Variants in NMBR observed in about 807,000 individuals in gnomAD.
NMBR encodes neuromedin B receptor, also known as neuromedin-B receptor.
In NMBR, 16 loss-of-function variants were observed where a neutral mutation model predicts 20.5. That is an observed-to-expected ratio of 0.78 (90% confidence interval 0.53 to 1.19). The LOEUF (loss-of-function observed/expected upper bound fraction) is 1.19, where lower values mean the gene tolerates loss of function less well. Among genes scored for constraint, NMBR ranks in the 50% most tolerant of loss-of-function variants. The pLI, the probability that NMBR is intolerant of heterozygous loss-of-function variation, is 0.00. For missense variants in NMBR, 582 were observed against 499.1 expected, an observed-to-expected ratio of 1.17 and a Z score of -1.58; for synonymous variants, 212 against 196.6, an observed-to-expected ratio of 1.08 and a Z score of -0.65.
chr6:142,141,352 A>G (rs1309545711), intron 1 of NMBR, among the ~76,000 whole-genome samples: 1 of 152,218 alleles, frequency 6.6e-6, no homozygotes, highest in East Asian at 1.9e-4. Flanking sequence ...GGAAATTAAA[A>G]ACTACTTTAA....
intron 1 of NMBR, among the ~76,000 whole-genome samples, chr6:142,105,434 A>G (rs530589892): frequency 1.2e-3 from 181 of 152,298 alleles, no homozygotes; most frequent in African/African-American, 4.3e-3. Context: ...TTTTAATAAA[A>G]CCTGTAAATA....
chr6:142,076,969 G>A (rs1185349852), intron 3 of NMBR, among the ~76,000 whole-genome samples: 1 of 152,172 alleles, frequency 6.6e-6, no homozygotes, highest in Non-Finnish European at 1.5e-5. Flanking sequence ...GCAATAGAGT[G>A]GTAATGGAGG....
chr6:142,102,409 G>T lies in NMBR; in HGVS notation c.-663-13088C>A, dbSNP rs1309819383. 3.0e-5 allele frequency among the ~76,000 whole-genome samples: 4 copies of T among 134,954 alleles called. No homozygotes were observed. The East Asian group carries it at 8.5e-4, about 29-fold the overall frequency. 88.5% of individuals were successfully genotyped at this position (134,954 alleles called of 152,430 possible). ...TGTCTCAAAAAAAAAAAAAAAAAAA[G>T]TCTACTTGCTTTAACAAAGCAGCCT... On this transcript the variant is annotated intron_variant, in intron 1 of 3. Coordinates refer to ENST00000258042, the MANE Select transcript of NMBR (RefSeq NM_002511.4).
intron 1 of NMBR, among the ~76,000 whole-genome samples, chr6:142,143,612 G>C (rs1367163460): frequency 6.6e-6 from 1 of 152,154 alleles, no homozygotes; most frequent in African/African-American, 2.4e-5. Context: ...TGTCGAGTAA[G>C]GCTTGGCAGT....
At chr6:142,129,818 T>C (rs971147018) in intron 1 of NMBR, among the ~76,000 whole-genome samples, 1 of 152,162 alleles carries the variant, frequency 6.6e-6, no homozygotes, top group Admixed American at 6.6e-5. Context: ...AATCCTTTCA[T>C]AATCCACATA....
At chr6:142,097,886 A>G (rs1777487813) in intron 1 of NMBR, among the ~76,000 whole-genome samples, 1 of 152,152 alleles carries the variant, frequency 6.6e-6, no homozygotes, top group Non-Finnish European at 1.5e-5. Context: ...AATTTTACAG[A>G]AGAAAAAAGT....
Position 142,111,707 on chromosome 6 carries a change from C to A in NMBR, c.-663-22386G>T, listed in dbSNP as rs557276707. 1.2e-4 allele frequency among the ~76,000 whole-genome samples: 18 copies of A among 152,212 alleles called. No individual in the cohort carries two copies. The South Asian group carries it at 2.3e-3, about 19-fold the overall frequency. ...ATTGAATAGTGAAAAACTTAGGCTA[C>A]GAGAAATGTCAATGCTGATTTAATC... On this transcript the variant is annotated intron_variant, in intron 1 of 3. Transcript: ENST00000258042.
chr6:142,136,263 T>C (rs1778252445), intron 1 of NMBR, among the ~76,000 whole-genome samples: 1 of 152,252 alleles, frequency 6.6e-6, no homozygotes, highest in Non-Finnish European at 1.5e-5. Flanking sequence ...TGAGCATTTT[T>C]TCAAGTGTCT....
chr6:142,088,147 T>C, intron 2 of NMBR, 90 bp downstream of exon 2: 1 of 1,322,380 alleles, frequency 7.6e-7, no homozygotes, highest in Non-Finnish European at 1.0e-6. Context: ...CCTTGCGTCC[T>C]TCTGCCAGTA....
In NMBR at chr6:142,075,854, C is replaced by A; in HGVS notation, c.967G>T (p.Ala323Ser). ...SFGNSCVNPF[A>S]LYLLSESFRR... The stretch of plus-strand genomic sequence containing the variant: ...AAGCTTTCACTGAGTAGGTAAAGAG[C>A]AAATGGGTTGACACAAGAATTGCCA... The change falls in exon 4 of 4, where the codon GCT (alanine) becomes TCT (serine). Residue 323 changes from alanine to serine, a missense_variant. Ala to Ser is a moderately conservative substitution (Grantham distance 99, BLOSUM62 1). Transcript: ENST00000258042. The A allele has an allele frequency of 6.2e-7, 1 of 1,613,968 alleles. No individual in the cohort carries two copies. The highest frequency in any genetic ancestry group is 8.5e-7 in the Non-Finnish European group (1 of 1,179,932).
At chr6:142,132,957 TG>T (rs1778171156) in intron 1 of NMBR, 1 of 401,678 alleles carries the variant, frequency 2.5e-6, no homozygotes, top group African/African-American at 2.0e-5. Flanking sequence ...GTTTTTGTTT[TG>T]TTTTGGGACA....
chr6:142,097,169 T>C (rs1018518447), intron 1 of NMBR, among the ~76,000 whole-genome samples: 1 of 152,272 alleles, frequency 6.6e-6, no homozygotes, highest in East Asian at 1.9e-4. Context: ...TTAGCCCATT[T>C]ACATTTAAAG....
At position 142,075,582 on chromosome 6, in the gene NMBR, G is replaced by C; in HGVS notation, c.*66C>G. On this transcript the variant is annotated 3_prime_UTR_variant, in exon 4 of 4. Coordinates refer to ENST00000258042, the MANE Select transcript of NMBR (RefSeq NM_002511.4). Reference sequence around the variant, plus strand: ...AATTAGCTAAGCAACAGCAAGTTCTGATCTGCCGAATAGGAATTTTAACAG... The same window carrying C: ...AATTAGCTAAGCAACAGCAAGTTCTCATCTGCCGAATAGGAATTTTAACAG... 6.9e-7 allele frequency: 1 copy of C among 1,452,016 alleles called. No individual in the cohort carries two copies. Among genetic ancestry groups the C allele is most frequent in the South Asian group, 1.4e-5 (1 of 70,784 alleles). 89.9% of individuals were successfully genotyped at this position (1,452,016 alleles called of 1,614,324 possible).
intron 1 of NMBR, among the ~76,000 whole-genome samples, chr6:142,105,210 A>C (rs982101421): frequency 2.6e-5 from 4 of 152,098 alleles, no homozygotes; most frequent in Admixed American, 1.3e-4. Context: ...ACAATGGTGG[A>C]ATGTCATCAG....
At chr6:142,139,614 A>T (rs1355393430) in intron 1 of NMBR, among the ~76,000 whole-genome samples, 1 of 152,144 alleles carries the variant, frequency 6.6e-6, no homozygotes, top group Non-Finnish European at 1.5e-5. Flanking sequence ...GGCATCTCTA[A>T]GCCACCAAAG....
chr6:142,087,550 G>T (rs1282808010), intron 2 of NMBR, among the ~76,000 whole-genome samples: 1 of 152,034 alleles, frequency 6.6e-6, no homozygotes, highest in Non-Finnish European at 1.5e-5. Context: ...GTGCAAAATA[G>T]AATAATGGAC....
chr6:142,096,283 G>A (rs1777450625), intron 1 of NMBR, among the ~76,000 whole-genome samples: 1 of 152,028 alleles, frequency 6.6e-6, no homozygotes, highest in African/African-American at 2.4e-5. Flanking sequence ...TTCTCTAGTG[G>A]GCATTTACTG....
chr6:142,091,437 C>G (rs1777321482), intron 1 of NMBR, among the ~76,000 whole-genome samples: 1 of 152,136 alleles, frequency 6.6e-6, no homozygotes, highest in Non-Finnish European at 1.5e-5. Flanking sequence ...GTTGCCCCAG[C>G]TGGTCTCAAA....
intron 1 of NMBR, among the ~76,000 whole-genome samples, chr6:142,144,882 G>C (rs970234625): frequency 5.9e-5 from 9 of 151,902 alleles, no homozygotes; most frequent in African/African-American, 2.2e-4. Flanking sequence ...ATAATAATTA[G>C]CCATAGTGTT....
Sources: gnomAD v4.1 joint callset for allele counts (sites outside exome capture counted in the v4.1 genomes callset) on GRCh38, gnomAD v4.1.1 for gene constraint, MANE v1.5 for transcripts, NCBI Gene and HGNC (gene_info 2026-07-23, HGNC 2026-07-21) for gene names.